EPHA10: variants seen among roughly 807,000 people sequenced by gnomAD.
The protein encoded by EPHA10 is EPH receptor A10, also known as ephrin type-A receptor 10.
Under a neutral mutation model 109.7 loss-of-function variants are expected in EPHA10, and 120 were observed. The ratio of observed to expected loss-of-function variants is 1.09; its 90% CI spans 0.94 to 1.27. The LOEUF (loss-of-function observed/expected upper bound fraction) is 1.27, where lower values mean the gene tolerates loss of function less well. Ranked by LOEUF, EPHA10 falls within the 50% of genes most tolerant of loss-of-function variation. EPHA10 has a pLI of 0.00. For synonymous variants in EPHA10, 640 were observed against 618.9 expected (o/e 1.03, Z -0.51); for missense variants, 1,396 against 1,411.1 (o/e 0.99, Z 0.17).
chr1:37,732,280 C>T (rs1176433649), intron 6 of EPHA10, among the ~76,000 whole-genome samples: 2 of 152,068 alleles, frequency 1.3e-5, no homozygotes, highest in Admixed American at 6.6e-5. Flanking sequence ...AAGGAAGGGG[C>T]TGGTGCACCC....
At position 37,753,133 on chromosome 1, in the gene EPHA10, C is replaced by G; in HGVS notation, c.1100G>C (p.Gly367Ala). Residue 367 changes from glycine (G) to alanine (A), a missense_variant, in exon 5 of 17, where the codon GGC (glycine) becomes GCC (alanine). Physicochemically the swap from Gly to Ala is moderately conservative, Grantham distance 60. Transcript: ENST00000373048. Reference protein sequence around the residue: ...LRWLPPADSGGRSDVTYSLLC... With the variant: ...LRWLPPADSGARSDVTYSLLC... ...CAGCGAGTAGGTGACGTCCGAGCGGCCTCCCGAGTCGGCCGGCGGCAGCCA... is the reference window on the plus strand; with the variant it reads ...CAGCGAGTAGGTGACGTCCGAGCGGGCTCCCGAGTCGGCCGGCGGCAGCCA... 1.4e-6 allele frequency: 2 copies of G among 1,406,212 alleles called. No homozygotes were observed. Among genetic ancestry groups the G allele is most frequent in the Non-Finnish European group, 1.9e-6 (2 of 1,079,614 alleles). The allele number at this position is 1,406,212 out of a possible 1,614,324, so 87.1% of individuals were successfully genotyped here.
chr1:37,714,782 G>C (rs1645667955), downstream of EPHA10: 1 of 152,230 alleles, frequency 6.6e-6, no homozygotes, highest in African/African-American at 2.4e-5. Context: ...AGGCAAGCCG[G>C]GGAGAGAGGC....
At chr1:37,748,283 T>C (rs2148356106) in intron 5 of EPHA10, among the ~76,000 whole-genome samples, 1 of 152,212 alleles carries the variant, frequency 6.6e-6, no homozygotes, top group Middle Eastern at 3.4e-3. Flanking sequence ...CACTGGAACC[T>C]GGGAGGTAGA....
chr1:37,745,229 T>G (rs185124766), intron 5 of EPHA10, among the ~76,000 whole-genome samples: 1 of 152,174 alleles, frequency 6.6e-6, no homozygotes, highest in Admixed American at 6.5e-5. Flanking sequence ...AATACATATC[T>G]ATAGTTATAA....
In EPHA10 at chr1:37,716,091, A is replaced by T; in HGVS notation, c.*2281T>A. 3 of 474,012 alleles carry T rather than the reference A, an allele frequency of 6.3e-6. No homozygotes were observed. The allele number at this position is 474,012 out of a possible 1,614,324, so 29.4% of individuals were successfully genotyped here. ...CCCAGGGTGAGCTCAGACCAGGGTA[A>T]TGGGGGCTTGCAGGCCACCTCTGTC... On this transcript the variant is annotated 3_prime_UTR_variant, in exon 17 of 17. Coordinates refer to ENST00000373048, the MANE Select transcript of EPHA10 (RefSeq NM_001099439.2).
At chr1:37,752,532 T>G (rs893865365) in intron 5 of EPHA10, among the ~76,000 whole-genome samples, 3 of 152,100 alleles carry the variant, frequency 2.0e-5, no homozygotes, top group African/African-American at 7.2e-5. Flanking sequence ...CGAGGCCAAC[T>G]GCAGAGCCGT....
rs556845879 is a variant in EPHA10, at chr1:37,760,852, G to A, written c.850+553C>T. On this transcript the variant is annotated intron_variant, in intron 3 of 16. Coordinates refer to ENST00000373048, the MANE Select transcript of EPHA10 (RefSeq NM_001099439.2). ...TAATCCCAGCACTCTGGAAGGCCTA[G>A]GTAGGTGGATCACTTGAGGTCAGGA... The A allele has an allele frequency of 8.3e-4, 151 of 182,770 alleles. 1 individual carries two copies. The highest frequency in any genetic ancestry group is 3.4e-3 in the African/African-American group (143 of 42,582). The allele number at this position is 182,770 out of a possible 1,614,324, so 11.3% of individuals were successfully genotyped here.
chr1:37,754,401 C>T lies in EPHA10; in HGVS notation c.851-31G>A. 2 of 1,281,118 alleles carry T rather than the reference C, an allele frequency of 1.6e-6. No homozygotes were observed. The highest frequency in any genetic ancestry group is 3.1e-5 in the African/African-American group (2 of 64,830). 79.4% of individuals were successfully genotyped at this position (1,281,118 alleles called of 1,614,324 possible). ...GGGCATGGCTGGTGAGAAGAGGGGGCTCCTCCAGTTTCTCCCCGCTTTCCT... is the reference window on the plus strand; with the variant it reads ...GGGCATGGCTGGTGAGAAGAGGGGGTTCCTCCAGTTTCTCCCCGCTTTCCT... On this transcript the variant is annotated intron_variant, in intron 3 of 16. Coordinates refer to ENST00000373048, the MANE Select transcript of EPHA10 (RefSeq NM_001099439.2). The surrounding 1 kb of genome is among the most constrained non-coding windows in gnomAD (Gnocchi z 4.5).
intron 2 of EPHA10, among the ~76,000 whole-genome samples, 189 bp from the exon 3 acceptor site, chr1:37,762,272 C>T (rs1646440583): frequency 6.6e-6 from 1 of 152,198 alleles, no homozygotes; most frequent in Non-Finnish European, 1.5e-5. Context: ...GAAACTGAGG[C>T]TCCAGAGGGA....
intron 5 of EPHA10, among the ~76,000 whole-genome samples, chr1:37,735,744 G>A (rs942616213): frequency 6.6e-6 from 1 of 152,126 alleles, no homozygotes; most frequent in African/African-American, 2.4e-5. Context: ...GCAGCTTGGA[G>A]ACATAAGAGA....
chr1:37,761,161 C>A, intron 3 of EPHA10: 1 of 1,401,086 alleles, frequency 7.1e-7, no homozygotes, highest in Non-Finnish European at 9.2e-7. Context: ...GTGCAAGGTG[C>A]CTAAGATATA....
Position 37,754,384 on chromosome 1 carries a change from C to A in EPHA10, c.851-14G>T. The A allele has an allele frequency of 7.7e-7, 1 of 1,294,034 alleles. No homozygotes were observed. Among genetic ancestry groups the A allele is most frequent in the Non-Finnish European group, 9.8e-7 (1 of 1,016,126 alleles). The allele number at this position is 1,294,034 out of a possible 1,614,324, so 80.2% of individuals were successfully genotyped here. A position where few individuals can be genotyped will look rare whatever the true frequency, so the allele number is the denominator to read the frequency against. On this transcript the variant is annotated splice_polypyrimidine_tract_variant and intron_variant, in intron 3 of 16. Coordinates refer to ENST00000373048, the MANE Select transcript of EPHA10 (RefSeq NM_001099439.2). This position sits in a 1 kb window ranked among gnomAD's most constrained non-coding sequence, Gnocchi z 4.5. ...CTGGGGGACAGGCTGCAGGGCATGG[C>A]TGGTGAGAAGAGGGGGCTCCTCCAG...
chr1:37,752,849 C>T (rs1367007619), intron 5 of EPHA10, 27 bp downstream of exon 5: 1 of 1,225,770 alleles, frequency 8.2e-7, no homozygotes, highest in South Asian at 3.4e-5. Flanking sequence ...GCGGTGGCCT[C>T]GGGGTGGGGG....
intron 6 of EPHA10, among the ~76,000 whole-genome samples, chr1:37,732,320 G>C (rs1245050698): frequency 6.6e-6 from 1 of 151,938 alleles, no homozygotes; most frequent in African/African-American, 2.4e-5. Context: ...CGTGTTTTTT[G>C]CTCGACATCA....
At chr1:37,729,296 G>A (rs184505932) in intron 7 of EPHA10, among the ~76,000 whole-genome samples, 3 of 152,196 alleles carry the variant, frequency 2.0e-5, no homozygotes, top group African/African-American at 7.2e-5. Flanking sequence ...CTAGCTGAGA[G>A]GCACCTATAT....
At position 37,716,749 on chromosome 1, in the gene EPHA10, C is replaced by G. The variant is rs1290456271; in HGVS notation, c.*1623G>C. The G allele has an allele frequency of 4.3e-6, 1 of 232,854 alleles. No homozygotes were observed. Among genetic ancestry groups the G allele is most frequent in the African/African-American group, 2.2e-5 (1 of 45,270 alleles). The allele number at this position is 232,854 out of a possible 1,614,324, so 14.4% of individuals were successfully genotyped here. ...GTCCGAGGCCTGCCATCTTGCCTGC[C>G]GAAAACTCCACCCACCCCAAGGAAA... On this transcript the variant is annotated 3_prime_UTR_variant, in exon 17 of 17. Transcript: ENST00000373048.
At chr1:37,732,476 C>T (rs978527873) in intron 6 of EPHA10, among the ~76,000 whole-genome samples, 2 of 152,194 alleles carry the variant, frequency 1.3e-5, no homozygotes, top group Non-Finnish European at 2.9e-5. Flanking sequence ...TATTCGGTGG[C>T]TCCAGCTTTC....
chr1:37,757,425 A>C (rs1359116652), intron 3 of EPHA10, among the ~76,000 whole-genome samples: 2 of 151,782 alleles, frequency 1.3e-5, no homozygotes, highest in East Asian at 3.9e-4. Context: ...ACTGCCAGCC[A>C]CTCTAACCAT....
chr1:37,761,014 G>A (rs952467062), intron 3 of EPHA10: 2 of 373,564 alleles, frequency 5.4e-6, no homozygotes, highest in Non-Finnish European at 8.1e-6. Flanking sequence ...AACCCAGGAG[G>A]TGGAAGTTGC....
Sources: gnomAD v4.1 joint callset for allele counts (sites outside exome capture counted in the v4.1 genomes callset) on GRCh38, gnomAD v4.1.1 for gene constraint, Gnocchi (gnomAD v3.1) non-coding constraint, MANE v1.5 for transcripts, NCBI Gene and HGNC (gene_info 2026-07-23, HGNC 2026-07-21) for gene names.